USH2A: variants seen among roughly 807,000 people sequenced by gnomAD.
The protein encoded by USH2A is Usher syndrome 2A (autosomal recessive, mild).
Under a neutral mutation model 538.9 loss-of-function variants are expected in USH2A, and 443 were observed. The observed-to-expected ratio is 0.82, with a 90% CI of 0.76 to 0.89. The LOEUF (loss-of-function observed/expected upper bound fraction) is 0.89. Among genes scored for constraint, USH2A ranks in the 40% least tolerant of loss-of-function variants. USH2A has a pLI of 0.00. For synonymous variants in USH2A, 2,413 were observed against 2,273.5 expected (o/e 1.06, Z -1.75); for missense variants, 6,633 against 6,324.8 (o/e 1.05, Z -1.65).
intron 15 of USH2A, among the ~76,000 whole-genome samples, chr1:216,213,633 T>C (rs1195706244): frequency 6.6e-6 from 1 of 151,958 alleles, no homozygotes; most frequent in Non-Finnish European, 1.5e-5. Context: ...AGTATAAAAC[T>C]GTAAGATAAA....
chr1:216,276,377 T>A (rs762082938), intron 11 of USH2A, among the ~76,000 whole-genome samples: 2 of 151,992 alleles, frequency 1.3e-5, no homozygotes, highest in Non-Finnish European at 2.9e-5. Flanking sequence ...CAAAACAACA[T>A]GTGGGTAAGT....
intron 46 of USH2A, among the ~76,000 whole-genome samples, chr1:215,839,078 A>C (rs1181987589): frequency 6.6e-6 from 1 of 152,168 alleles, no homozygotes; most frequent in Non-Finnish European, 1.5e-5. Context: ...GTTGAGGCAT[A>C]TGTTCATAAT....
intron 61 of USH2A, among the ~76,000 whole-genome samples, chr1:215,687,607 T>A (rs1447925155): frequency 6.6e-6 from 1 of 152,018 alleles, no homozygotes; most frequent in Admixed American, 6.6e-5. Context: ...AGGAAAAAAA[T>A]TAAATTTGTG....
intron 71 of USH2A, among the ~76,000 whole-genome samples, chr1:215,627,469 C>CTTCT (rs1558027653): frequency 3.6e-5 from 5 of 138,152 alleles, no homozygotes; most frequent in Admixed American, 7.5e-5. Context: ...TCCTTCCTTC[C>CTTCT]TTCCTTCCTT....
intron 19 of USH2A, among the ~76,000 whole-genome samples, chr1:216,191,052 T>A (rs1366368980): frequency 6.6e-6 from 1 of 151,982 alleles, no homozygotes; most frequent in African/African-American, 2.4e-5. Context: ...AGTCCATAAA[T>A]AAATTATTAA....
chr1:216,072,744 C>G (rs1435913169), intron 29 of USH2A, 145 bp downstream of exon 29: 1 of 767,044 alleles, frequency 1.3e-6, no homozygotes, highest in African/African-American at 1.7e-5. Flanking sequence ...TAGCCATTGA[C>G]AGATGTATTT....
At chr1:215,759,489 G>A (rs909006926) in intron 57 of USH2A, among the ~76,000 whole-genome samples, 171 bp downstream of exon 57, 5 of 151,994 alleles carry the variant, frequency 3.3e-5, no homozygotes, top group South Asian at 2.1e-4. Flanking sequence ...AAGAAATTTC[G>A]TGAAGTCTAA....
intron 21 of USH2A, among the ~76,000 whole-genome samples, chr1:216,106,193 T>C (rs2032727338): frequency 6.8e-6 from 1 of 147,538 alleles, no homozygotes; most frequent in African/African-American, 2.5e-5. Context: ...TATAAGTATA[T>C]TAAGTATGTA....
chr1:216,188,977 A>T (rs767369599), intron 20 of USH2A, among the ~76,000 whole-genome samples: 1 of 151,938 alleles, frequency 6.6e-6, no homozygotes, highest in African/African-American at 2.4e-5. Context: ...AAGGAGATAG[A>T]GTCCTCCTCT....
chr1:216,406,700 A>C (rs945788794), intron 3 of USH2A, among the ~76,000 whole-genome samples: 3 of 152,098 alleles, frequency 2.0e-5, no homozygotes, highest in Non-Finnish European at 4.4e-5. Flanking sequence ...TTTTCTCAAT[A>C]TATGTTCCCA....
At chr1:215,795,485 A>G (rs74701604) in intron 50 of USH2A, among the ~76,000 whole-genome samples, 4,482 of 152,322 alleles carry the variant, frequency 0.029, 239 homozygotes, top group African/African-American at 0.1. Flanking sequence ...AGCACCAAGA[A>G]TGATGTCTTG....
rs138326802 is a variant in USH2A at position 215,741,489 on chromosome 1, G to T, written c.11597C>A (p.Ala3866Asp). Residue 3866 changes from alanine to aspartate, a missense_variant, in exon 60 of 72, where the codon GCC (alanine) becomes GAC (aspartate). Ala to Asp is a moderately radical substitution (Grantham distance 126). Transcript: ENST00000307340. Reference sequence around the variant, plus strand: ...AACAGGAGAATTAAGATCCATTGGGGCTGCTTCAGGTGTTTTGACAAACAT... The same window carrying T: ...AACAGGAGAATTAAGATCCATTGGGTCTGCTTCAGGTGTTTTGACAAACAT... ...SRMFVKTPEAAPMDLNSPVLK... is the reference protein window; with the variant it reads ...SRMFVKTPEADPMDLNSPVLK... 1.4e-5 allele frequency: 23 copies of T among 1,613,574 alleles called. No homozygotes were observed. The highest frequency in any genetic ancestry group is 1.9e-5 in the Non-Finnish European group (23 of 1,179,922).
At chr1:216,168,522 T>A (rs571679187) in intron 21 of USH2A, among the ~76,000 whole-genome samples, 1 of 152,212 alleles carries the variant, frequency 6.6e-6, no homozygotes, top group South Asian at 2.1e-4. Flanking sequence ...TGGGAAAAAA[T>A]TTAGTTTACA....
At chr1:215,916,517 G>A (rs1223846076) in intron 38 of USH2A, among the ~76,000 whole-genome samples, 2 of 151,914 alleles carry the variant, frequency 1.3e-5, no homozygotes, top group African/African-American at 4.8e-5. Flanking sequence ...AACATTTCAC[G>A]GAGAAATGGT....
At chr1:216,011,542 T>C (rs1402239076) in intron 32 of USH2A, among the ~76,000 whole-genome samples, 1 of 152,112 alleles carries the variant, frequency 6.6e-6, no homozygotes, top group Non-Finnish European at 1.5e-5. Context: ...GCATGGTTAG[T>C]GCGGTCAGAA....
At chr1:216,343,835 C>T (rs1035072748) in intron 4 of USH2A, among the ~76,000 whole-genome samples, 3 of 151,868 alleles carry the variant, frequency 2.0e-5, no homozygotes, top group Non-Finnish European at 4.4e-5. Context: ...AATGAAGAAC[C>T]AAAGCAGTTT....
intron 37 of USH2A, among the ~76,000 whole-genome samples, chr1:215,944,860 C>T (rs1255054413): frequency 6.6e-6 from 1 of 152,052 alleles, no homozygotes; most frequent in Non-Finnish European, 1.5e-5. Flanking sequence ...ACATCCCCTT[C>T]CAATGGATTC....
intron 47 of USH2A, among the ~76,000 whole-genome samples, chr1:215,824,245 T>C (rs1663094726): frequency 6.6e-6 from 1 of 152,216 alleles, no homozygotes; most frequent in Non-Finnish European, 1.5e-5. Flanking sequence ...TGGATATATG[T>C]CTATGTCTTT....
Position 216,324,498 on chromosome 1 carries a change from T to C in USH2A, c.1144-146A>G, listed in dbSNP as rs1032103376. 88 of 765,088 alleles carry C rather than the reference T, an allele frequency of 1.2e-4. No individual in the cohort carries two copies. In the African/African-American group the frequency reaches 1.5e-3, roughly 13 times the overall value. 47.4% of individuals were successfully genotyped at this position (765,088 alleles called of 1,614,324 possible). On this transcript the variant is annotated intron_variant, in intron 6 of 71. Coordinates refer to ENST00000307340, the MANE Select transcript of USH2A (RefSeq NM_206933.4). Reference sequence around the variant, plus strand: ...AATATGTATTAGACATCCAGAAACTTCATAGCCCTGTGGTAAAAGCAACAT... The same window carrying C: ...AATATGTATTAGACATCCAGAAACTCCATAGCCCTGTGGTAAAAGCAACAT...
Sources: gnomAD v4.1 joint callset for allele counts (sites outside exome capture counted in the v4.1 genomes callset) on GRCh38, gnomAD v4.1.1 for gene constraint, MANE v1.5 for transcripts, NCBI Gene and HGNC (gene_info 2026-07-23, HGNC 2026-07-21) for gene names.